Variants in JCAD observed in about 807,000 individuals in gnomAD.
JCAD encodes the protein junctional cadherin 5 associated, also known as junctional cadherin 5-associated protein.
A neutral mutation model predicts 98.0 loss-of-function variants in JCAD; 40 were observed. The observed-to-expected ratio is 0.41, with a 90% CI of 0.32 to 0.53. The LOEUF (loss-of-function observed/expected upper bound fraction) is 0.53. Ranked by LOEUF, JCAD falls within the 20% of genes least tolerant of loss-of-function variation. The pLI, the probability that JCAD is intolerant of heterozygous loss-of-function variation, is 0.31. For synonymous variants in JCAD, 691 were observed against 682.3 expected (o/e 1.01, Z -0.20); for missense variants, 1,705 against 1,738.1 (o/e 0.98, Z 0.34).
intron 1 of JCAD, among the ~76,000 whole-genome samples, chr10:30,094,121 A>G (rs1838330182): frequency 6.6e-6 from 1 of 152,164 alleles, no homozygotes; most frequent in Admixed American, 6.5e-5. Flanking sequence ...CTGCATTGTC[A>G]TTGCTTTGTT....
intron 2 of JCAD, among the ~76,000 whole-genome samples, chr10:30,047,317 C>T (rs1348290079): frequency 1.3e-5 from 2 of 152,078 alleles, no homozygotes; most frequent in East Asian, 1.9e-4. Context: ...TGCAGTGAGC[C>T]GAGATTGCAC....
intron 1 of JCAD, among the ~76,000 whole-genome samples, chr10:30,089,618 A>G (rs1838228047): frequency 6.6e-6 from 1 of 152,058 alleles, no homozygotes; most frequent in Non-Finnish European, 1.5e-5. Context: ...TCTGAAATAC[A>G]TAAAAATATC....
chr10:30,081,707 C>T (rs1367409999), intron 1 of JCAD, among the ~76,000 whole-genome samples: 1 of 152,168 alleles, frequency 6.6e-6, no homozygotes, highest in Non-Finnish European at 1.5e-5. Context: ...GCTGGGATTA[C>T]AGGTTTGAGC....
intron 1 of JCAD, among the ~76,000 whole-genome samples, chr10:30,072,772 C>T (rs75888796): frequency 0.066 from 10,036 of 152,062 alleles, 549 homozygotes; most frequent in East Asian, 0.32. Flanking sequence ...CCTGCCTCAG[C>T]CTCCGAGTAG....
chr10:30,107,179 G>T lies in JCAD; in HGVS notation n.128+8188C>A, dbSNP rs533097010. 2.0e-5 allele frequency among the ~76,000 whole-genome samples: 3 copies of T among 152,282 alleles called. No individual in the cohort carries two copies. In the South Asian group the frequency reaches 6.2e-4, roughly 32 times the overall value. The stretch of plus-strand genomic sequence containing the variant: ...TTGAATAGGGGCTAGGTAAAATAAG[G>T]CTGGGACCTACTCGGCTGCATTTCC... On this transcript the variant is annotated intron_variant and non_coding_transcript_variant, in intron 1 of 2. Coordinates refer to the JCAD transcript ENST00000465712.
intron 2 of JCAD, among the ~76,000 whole-genome samples, chr10:30,047,205 C>T (rs1837355950): frequency 6.6e-6 from 1 of 152,040 alleles, no homozygotes; most frequent in Admixed American, 6.6e-5. Context: ...AACCCCGTCT[C>T]TACTAAAAAT....
chr10:30,043,490 C>A (rs1564451613), intron 2 of JCAD, among the ~76,000 whole-genome samples: 1 of 152,144 alleles, frequency 6.6e-6, no homozygotes, highest in Admixed American at 6.5e-5. Flanking sequence ...GATAATCCTG[C>A]CTTCCATGTA....
At position 30,017,753 on chromosome 10, in the gene JCAD, A is replaced by G; in HGVS notation, c.*130T>C. 1.2e-6 allele frequency: 1 copy of G among 800,876 alleles called. No homozygotes were observed. Among genetic ancestry groups the G allele is most frequent in the East Asian group, 2.6e-5 (1 of 38,476 alleles). 49.6% of individuals were successfully genotyped at this position (800,876 alleles called of 1,614,324 possible). The stretch of plus-strand genomic sequence containing the variant: ...AGTTTCCTAGTGGCAGTGGTAAAGA[A>G]TGTTATCAGGATGCTAAAAACTCAG... On this transcript the variant is annotated 3_prime_UTR_variant, in exon 4 of 4. Coordinates refer to ENST00000375377, the MANE Select transcript of JCAD (RefSeq NM_020848.4).
Position 30,028,690 on chromosome 10 carries a change from AT to A in JCAD, c.1457del (p.Asp486ValfsTer44). On this transcript the variant is annotated frameshift_variant, in exon 3 of 4. Coordinates refer to ENST00000375377, the MANE Select transcript of JCAD (RefSeq NM_020848.4). LOFTEE classifies it high-confidence loss of function. ...AATCGGCCAAGACCAGGCCTCTCTC[AT>A]CCCCCGACGGGGGTATTAAGCTCTG... ...NPQSLIPPSG[D>X]ERGLVLADSS... is the part of the protein sequence containing the mutation. 6.2e-7 allele frequency: 1 copy of A among 1,608,806 alleles called. No individual in the cohort carries two copies. Among genetic ancestry groups the A allele is most frequent in the East Asian group, 2.2e-5 (1 of 44,828 alleles).
chr10:30,038,238 A>G (rs1342077704), intron 2 of JCAD, among the ~76,000 whole-genome samples: 1 of 152,136 alleles, frequency 6.6e-6, no homozygotes, highest in Non-Finnish European at 1.5e-5. Flanking sequence ...TAAATTCACA[A>G]CTGGTGCTGA....
chr10:30,027,414 T>C lies in JCAD; in HGVS notation c.2734A>G (p.Lys912Glu), dbSNP rs1487519006. 1 of 1,604,132 alleles carries C rather than the reference T, an allele frequency of 6.2e-7. No individual in the cohort carries two copies. The highest frequency in any genetic ancestry group is 1.3e-5 in the African/African-American group (1 of 74,616). The change falls in exon 3 of 4, where the codon AAG becomes GAG. Residue 912 changes from lysine (K) to glutamate (E), a missense_variant. Lys to Glu is a moderately conservative substitution (Grantham distance 56, BLOSUM62 1). This residue lies in a region of JCAD where 1,278 missense variants were observed against 1,243.1 expected (regional missense o/e 1.03). Transcript: ENST00000375377. ...AGCTCCTCACTCCAGCTCTCAGACTTACTCTCACCTCTTCCCGACCTACAC... is the reference window on the plus strand; with the variant it reads ...AGCTCCTCACTCCAGCTCTCAGACTCACTCTCACCTCTTCCCGACCTACAC... ...PVCRSGRGES[K>E]SESWSEELQP...
intron 1 of JCAD, among the ~76,000 whole-genome samples, chr10:30,057,783 TC>T (rs1377779046): frequency 1.3e-5 from 2 of 152,186 alleles, no homozygotes; most frequent in African/African-American, 4.8e-5. Context: ...CTTAGAGACT[TC>T]AGGAAGCTTG....
At chr10:30,089,814 A>T (rs563495564) in intron 1 of JCAD, among the ~76,000 whole-genome samples, 5 of 152,320 alleles carry the variant, frequency 3.3e-5, no homozygotes, top group Middle Eastern at 3.4e-3. Context: ...TAAGGTTTTT[A>T]AAGTACACAC....
At chr10:30,024,568 G>A (rs750073467) in intron 3 of JCAD, among the ~76,000 whole-genome samples, 6 of 152,094 alleles carry the variant, frequency 3.9e-5, no homozygotes, top group Non-Finnish European at 7.3e-5. Flanking sequence ...AGGATCCAAC[G>A]GGGCCCCGAC....
chr10:30,097,732 C>T, intron 1 of JCAD, among the ~76,000 whole-genome samples: 1 of 152,056 alleles, frequency 6.6e-6, no homozygotes, highest in Non-Finnish European at 1.5e-5. Flanking sequence ...CACTGCACTC[C>T]AGCCTGGGCG....
At chr10:30,063,972 A>C (rs553080359), upstream of JCAD, among the ~76,000 whole-genome samples, 35 of 151,986 alleles carry the variant, frequency 2.3e-4, no homozygotes, top group South Asian at 7.1e-3. Flanking sequence ...GCACCCAGAA[A>C]ATTTTTGCAT....
intron 1 of JCAD, among the ~76,000 whole-genome samples, chr10:30,070,156 C>T (rs977441101): frequency 3.3e-5 from 5 of 151,932 alleles, no homozygotes; most frequent in African/African-American, 9.7e-5. Flanking sequence ...AATATAAGTC[C>T]GAGAAAAGAA....
At chr10:30,093,869 A>G (rs780560957) in intron 1 of JCAD, among the ~76,000 whole-genome samples, 7 of 152,214 alleles carry the variant, frequency 4.6e-5, no homozygotes, top group South Asian at 2.1e-4. Flanking sequence ...TTAAACGCCA[A>G]ACTTCTTGCT....
intron 1 of JCAD, among the ~76,000 whole-genome samples, chr10:30,078,959 AAGGT>A (rs1838028022): frequency 2.0e-5 from 3 of 152,152 alleles, no homozygotes; most frequent in African/African-American, 4.8e-5. Flanking sequence ...AACAGTAGTG[AAGGT>A]AGGTAGGTAA....
Sources: gnomAD v4.1 joint callset for allele counts (sites outside exome capture counted in the v4.1 genomes callset) on GRCh38, gnomAD v4.1.1 for gene constraint, gnomAD v4.1.1 regional missense constraint, MANE v1.5 for transcripts, NCBI Gene and HGNC (gene_info 2026-07-23, HGNC 2026-07-21) for gene names.